FZD3: variants seen among roughly 807,000 people sequenced by gnomAD.
FZD3 encodes frizzled-3.
A neutral mutation model predicts 60.7 loss-of-function variants in FZD3; 30 were observed. That is an observed-to-expected ratio of 0.49 (90% CI 0.37 to 0.67). The LOEUF (loss-of-function observed/expected upper bound fraction) is 0.67, where lower values mean the gene tolerates loss of function less well. Among genes scored for constraint, FZD3 ranks in the 30% least tolerant of loss-of-function variants. The probability of loss-of-function intolerance (pLI) is 0.00; values close to 1 mark genes in which losing one functional copy is unlikely to be tolerated. For missense variants in FZD3, 605 were observed against 838.7 expected (o/e 0.72, Z 3.44); for synonymous variants, 246 against 275.2 (o/e 0.89, Z 1.05).
intron 6 of FZD3, among the ~76,000 whole-genome samples, chr8:28,553,212 A>T (rs1487026649): frequency 1.3e-5 from 2 of 152,222 alleles, no homozygotes; most frequent in East Asian, 3.8e-4. Context: ...AAAGAAGGGG[A>T]TGAGTTCACT....
At chr8:28,557,556 G>A (rs1392192214) in intron 7 of FZD3, among the ~76,000 whole-genome samples, 2 of 152,182 alleles carry the variant, frequency 1.3e-5, no homozygotes, top group African/African-American at 2.4e-5. Context: ...GTTTAAAAGA[G>A]CAGCAGTCTT....
chr8:28,528,653 G>A (rs1585974204), intron 5 of FZD3, among the ~76,000 whole-genome samples: 1 of 152,178 alleles, frequency 6.6e-6, no homozygotes, highest in East Asian at 1.9e-4. Flanking sequence ...AGAGCCTCTG[G>A]TAGTCTTAGA....
intron 5 of FZD3, among the ~76,000 whole-genome samples, chr8:28,544,233 T>C (rs1275240595): frequency 1.3e-5 from 2 of 152,160 alleles, no homozygotes; most frequent in African/African-American, 4.8e-5. Flanking sequence ...GCTACATTCA[T>C]GTGTTCCTCC....
intron 7 of FZD3, among the ~76,000 whole-genome samples, chr8:28,560,225 A>C (rs546803424): frequency 4.4e-5 from 4 of 90,524 alleles, no homozygotes; most frequent in Non-Finnish European, 8.8e-5. Flanking sequence ...AAGGCACTGT[A>C]GTATTTTTTG....
chr8:28,538,245 A>G (rs1303069130), intron 5 of FZD3, among the ~76,000 whole-genome samples: 10 of 152,048 alleles, frequency 6.6e-5, no homozygotes. Flanking sequence ...ACGTATTTCC[A>G]GTAATCTTTG....
rs1805808296 is a variant in FZD3, at chr8:28,571,660, T to A, written c.*8649T>A. ...CAACTTTTCTGCTTTTATTTTCAAA[T>A]GTCAAATTGTATTTTTGTGTTTTAT... On this transcript the variant is annotated 3_prime_UTR_variant, in exon 8 of 8. Coordinates refer to ENST00000240093, the MANE Select transcript of FZD3 (RefSeq NM_017412.4). 6.6e-6 allele frequency: 1 copy of A among 152,344 alleles called. No homozygotes were observed. Among genetic ancestry groups the A allele is most frequent in the East Asian group, 1.9e-4 (1 of 5,194 alleles). The allele number at this position is 152,344 out of a possible 1,614,324, so 9.4% of individuals were successfully genotyped here. A position where few individuals can be genotyped will look rare whatever the true frequency, so the allele number is the denominator to read the frequency against.
At chr8:28,535,742 C>G (rs1327571317) in intron 5 of FZD3, among the ~76,000 whole-genome samples, 2 of 151,992 alleles carry the variant, frequency 1.3e-5, no homozygotes, top group Non-Finnish European at 2.9e-5. Context: ...TTCTAGAATA[C>G]TTTTTTATAT....
chr8:28,512,836 TTTTTA>T (rs1268149516), intron 3 of FZD3, among the ~76,000 whole-genome samples: 6 of 152,202 alleles, frequency 3.9e-5, no homozygotes, highest in African/African-American at 1.4e-4. Context: ...TTTACTGTGG[TTTTTA>T]TTTTAAGAGA....
intron 3 of FZD3, among the ~76,000 whole-genome samples, chr8:28,514,178 T>G (rs1322567615): frequency 1.3e-5 from 2 of 152,214 alleles, no homozygotes; most frequent in Non-Finnish European, 2.9e-5. Context: ...ATCTTTATAA[T>G]TCAGTTAGCT....
chr8:28,511,031 C>T (rs557907172), intron 3 of FZD3, among the ~76,000 whole-genome samples: 5 of 151,496 alleles, frequency 3.3e-5, no homozygotes, highest in South Asian at 2.1e-4. Context: ...AGTGAGACTC[C>T]GTCTCAAAAA....
chr8:28,503,469 A>G lies in FZD3; in HGVS notation c.189+267A>G, dbSNP rs1804054194. Among the ~76,000 whole-genome samples the G allele has an allele frequency of 2.6e-5, 4 of 152,232 alleles. No homozygotes were observed. The South Asian group carries it at 8.3e-4, about 31-fold the overall frequency. ...AGAACATGGGAGATAGCAGCCATTC[A>G]GAAGTTTAAAATTTAAGAATAACTC... On this transcript the variant is annotated intron_variant, in intron 3 of 7. Transcript: ENST00000240093.
In FZD3 at chr8:28,565,166, T is replaced by G. The variant is rs569874328; in HGVS notation, c.*2155T>G. On this transcript the variant is annotated 3_prime_UTR_variant, in exon 8 of 8. Transcript: ENST00000240093. ...ATAATTTGTCTATTATGTTATATAT[T>G]TCAAAGTACATGTATGATAATATGA... 1 of 152,330 alleles carries G rather than the reference T, an allele frequency of 6.6e-6. No homozygotes were observed. The highest frequency in any genetic ancestry group is 2.1e-4 in the South Asian group (1 of 4,826). 9.4% of individuals were successfully genotyped at this position (152,330 alleles called of 1,614,324 possible). A position where few individuals can be genotyped will look rare whatever the true frequency, so the allele number is the denominator to read the frequency against.
intron 5 of FZD3, among the ~76,000 whole-genome samples, chr8:28,537,455 A>T (rs757901267): frequency 1.1e-4 from 16 of 152,122 alleles, no homozygotes; most frequent in Non-Finnish European, 2.2e-4. Flanking sequence ...AAACTGTAAA[A>T]GATCAGATAA....
intron 3 of FZD3, among the ~76,000 whole-genome samples, chr8:28,512,977 TCAAA>T (rs1013739264): frequency 1.2e-4 from 18 of 152,166 alleles, no homozygotes; most frequent in African/African-American, 3.9e-4. Flanking sequence ...ACATGCATTA[TCAAA>T]CATTTACTTT....
intron 3 of FZD3, among the ~76,000 whole-genome samples, chr8:28,510,441 T>C (rs954973054): frequency 6.6e-6 from 1 of 152,256 alleles, no homozygotes; most frequent in Admixed American, 6.5e-5. Context: ...AGTATCTGTT[T>C]CTTCACAGCT....
At chr8:28,514,142 A>G (rs1481209404) in intron 3 of FZD3, among the ~76,000 whole-genome samples, 1 of 152,182 alleles carries the variant, frequency 6.6e-6, no homozygotes, top group Non-Finnish European at 1.5e-5. Context: ...CAAAAGTATT[A>G]TGGTTTAGGG....
At chr8:28,560,602 G>A (rs1805595849) in intron 7 of FZD3, among the ~76,000 whole-genome samples, 4 of 151,886 alleles carry the variant, frequency 2.6e-5, no homozygotes, top group Admixed American at 2.6e-4. Context: ...AAAATACTCA[G>A]CTTATATTTT....
At position 28,520,775 on chromosome 8, in the gene FZD3, G is replaced by A. The variant is rs770995177; in HGVS notation, c.327G>A (p.Glu109=). ...GGCTGTGTCAGCGGGCTTACAGTGA[G>A]TGTTCGAAGCTCATGGAGATGTTTG... The part of the protein sequence containing the change: ...CRRLCQRAYS[E]CSKLMEMFGV... Residue 109 remains glutamate (E), a synonymous_variant, in exon 4 of 8, where the codon GAG becomes GAA. Coordinates refer to ENST00000240093, the MANE Select transcript of FZD3 (RefSeq NM_017412.4). The A allele has an allele frequency of 6.2e-7, 1 of 1,610,714 alleles. No individual in the cohort carries two copies. The highest frequency in any genetic ancestry group is 1.1e-5 in the South Asian group (1 of 90,236).
chr8:28,542,827 A>G (rs1805202118), intron 5 of FZD3, among the ~76,000 whole-genome samples: 1 of 152,080 alleles, frequency 6.6e-6, no homozygotes, highest in Non-Finnish European at 1.5e-5. Flanking sequence ...AAGGGCAGAG[A>G]ATTTTCTGAC....
Sources: allele counts gnomAD v4.1 joint callset (sites outside exome capture counted in the v4.1 genomes callset), GRCh38; gene constraint gnomAD v4.1.1; transcripts MANE v1.5; gene names NCBI Gene and HGNC (gene_info 2026-07-23, HGNC 2026-07-21).